The following CDAN1 variants were observed in gnomAD, a reference collection of about 807,000 sequenced individuals.
The protein encoded by CDAN1 is codanin-1.
A neutral mutation model predicts 139.8 loss-of-function variants in CDAN1; 107 were observed. The observed-to-expected ratio is 0.77, with a 90% CI of 0.65 to 0.90. The LOEUF (loss-of-function observed/expected upper bound fraction) is 0.90. CDAN1 is among the 40% of genes least tolerant of loss of function. The probability of loss-of-function intolerance (pLI) is 0.00; values close to 1 mark genes in which losing one functional copy is unlikely to be tolerated. For synonymous variants in CDAN1, 776 were observed against 660.6 expected (o/e 1.17, Z -2.68); for missense variants, 1,667 against 1,575.7 (o/e 1.06, Z -0.98).
chr15:42,732,754 C>T (rs912471567), intron 9 of CDAN1, among the ~76,000 whole-genome samples: 1 of 152,188 alleles, frequency 6.6e-6, no homozygotes, highest in African/African-American at 2.4e-5. Context: ...AGTGACCAGA[C>T]TTGCCCAAAT....
rs376378638 is a variant in CDAN1, at chr15:42,733,077, G to C, written c.1457+20C>G. 1.8e-5 allele frequency: 29 copies of C among 1,611,356 alleles called. No homozygotes were observed. Among genetic ancestry groups the C allele is most frequent in the Non-Finnish European group, 2.5e-5 (29 of 1,177,654 alleles). On this transcript the variant is annotated intron_variant, in intron 9 of 27. Transcript: ENST00000356231. ...GCTACTCATTGCCAGGAACAAGAAA[G>C]ACAAGGTCTGAGCACCCACCTGATT...
rs2061493420 is a variant in CDAN1, at chr15:42,724,206, CA to C, written c.*284del. On this transcript the variant is annotated 3_prime_UTR_variant, in exon 28 of 28. Coordinates refer to ENST00000356231, the MANE Select transcript of CDAN1 (RefSeq NM_138477.4). Reference sequence around the variant, plus strand: ...TGAATTCTGTGTTGACAAGCCCACACACCTCATTTCATTTAGTATCCAAGAG... The same window carrying C: ...TGAATTCTGTGTTGACAAGCCCACACCCTCATTTCATTTAGTATCCAAGAG... The C allele has an allele frequency of 2.3e-6, 1 of 435,378 alleles. No homozygotes were observed. Among genetic ancestry groups the C allele is most frequent in the Non-Finnish European group, 4.3e-6 (1 of 231,266 alleles). The allele number at this position is 435,378 out of a possible 1,614,324, so 27.0% of individuals were successfully genotyped here. A position where few individuals can be genotyped will look rare whatever the true frequency, so the allele number is the denominator to read the frequency against.
At chr15:42,729,178 G>T (rs371937160) in intron 18 of CDAN1, 51 bp downstream of exon 18, 1 of 1,027,952 alleles carries the variant, frequency 9.7e-7, no homozygotes, top group Non-Finnish European at 1.4e-6. Flanking sequence ...CCCTGTCCCC[G>T]CCCCCAACCC....
In CDAN1 at chr15:42,728,189, C is replaced by CT; in HGVS notation, c.2868+14dup. 2 of 1,613,192 alleles carry CT rather than the reference C, an allele frequency of 1.2e-6. No individual in the cohort carries two copies. The highest frequency in any genetic ancestry group is 1.7e-6 in the Non-Finnish European group (2 of 1,179,856). ...ACTGCCTGGCCTGCTAGCTGCAGGC[C>CT]TCCCTCACACGTACGGCTGCCGGGG... is the stretch of plus-strand genomic sequence containing the variant. On this transcript the variant is annotated intron_variant, in intron 21 of 27. Transcript: ENST00000356231.
intron 26 of CDAN1, 23 bp from the exon 27 acceptor site, chr15:42,725,274 G>C: frequency 1.2e-6 from 2 of 1,607,826 alleles, no homozygotes; most frequent in East Asian, 2.2e-5. Context: ...CCGAGGTCAG[G>C]GTTGCTAGGA....
rs1169696778 is a variant in CDAN1 at position 42,724,612 on chromosome 15, A to G, written c.3563T>C (p.Phe1188Ser). 1 of 1,552,248 alleles carries G rather than the reference A, an allele frequency of 6.4e-7. No individual in the cohort carries two copies. The highest frequency in any genetic ancestry group is 1.4e-5 in the African/African-American group (1 of 73,204). Residue 1188 changes from phenylalanine to serine, a missense_variant, in exon 28 of 28, where the codon TTT (phenylalanine) becomes TCT (serine). By Grantham distance (155) the Phe-to-Ser change is radical. Around this residue, in one of 3 missense-constraint regions of CDAN1, gnomAD observed 936 missense variants for 844.1 expected, o/e 1.11. Coordinates refer to ENST00000356231, the MANE Select transcript of CDAN1 (RefSeq NM_138477.4). ...SLHQAQWPGD[F>S]AEELATLSNL... Reference sequence around the variant, plus strand: ...AGACAGTGTTGCTAATTCTTCAGCAAAGTCCTGGAATACATAGAAAGATGA... The same window carrying G: ...AGACAGTGTTGCTAATTCTTCAGCAGAGTCCTGGAATACATAGAAAGATGA...
chr15:42,730,804 G>A (rs775693664), intron 13 of CDAN1, 40 bp from the exon 14 acceptor site: 6 of 1,612,648 alleles, frequency 3.7e-6, no homozygotes, highest in East Asian at 2.2e-5. Context: ...AGGTCCCTAG[G>A]AAGGGCTGGG....
chr15:42,736,274 C>A, intron 2 of CDAN1, 28 bp downstream of exon 2: 1 of 1,612,804 alleles, frequency 6.2e-7, no homozygotes, highest in South Asian at 1.1e-5. Context: ...TCGTGGTACC[C>A]ATCTCCTGCA....
At position 42,730,711 on chromosome 15, in the gene CDAN1, G is replaced by A. The variant is rs749011442; in HGVS notation, c.2061C>T (p.Arg687=). The change falls in exon 14 of 28, where the codon CGC becomes CGT. Residue 687 remains arginine (R), a synonymous_variant. Coordinates refer to ENST00000356231, the MANE Select transcript of CDAN1 (RefSeq NM_138477.4). ...GCCAGGGCACGGTGAGCACCGCCCG[G>A]CGGGCCTGCAGCCCTCGCTGCAGCA... ...RTLLQRGLQA[R]RAVLTVPWLV... is the part of the protein sequence containing the mutation. The A allele has an allele frequency of 1.2e-6, 2 of 1,613,482 alleles. No individual in the cohort carries two copies. The highest frequency in any genetic ancestry group is 1.1e-5 in the South Asian group (1 of 90,998).
intron 6 of CDAN1, 92 bp downstream of exon 6, chr15:42,735,008 C>A: frequency 1.2e-6 from 1 of 849,422 alleles, no homozygotes; most frequent in East Asian, 2.6e-5. Context: ...GACCACTGCC[C>A]CTGTGTTAAG....
chr15:42,728,639 C>T lies in CDAN1; in HGVS notation c.2804+13G>A, dbSNP rs921081061. The T allele has an allele frequency of 3.7e-6, 6 of 1,613,392 alleles. No homozygotes were observed. The African/African-American group carries it at 6.7e-5, about 18-fold the overall frequency. The stretch of plus-strand genomic sequence containing the variant: ...CAAGAGGAGAGTGGATCAAATGGAC[C>T]AGCGCTGCTTACTCCCGCCCCAGGG... On this transcript the variant is annotated intron_variant, in intron 20 of 27. Transcript: ENST00000356231.
intron 3 of CDAN1, 92 bp from the exon 4 acceptor site, chr15:42,735,771 G>C (rs2061679357): frequency 6.3e-7 from 1 of 1,586,206 alleles, no homozygotes; most frequent in African/African-American, 1.3e-5. Flanking sequence ...AACAGCCCAG[G>C]AGACAAACCC....
At chr15:42,732,528 C>T in intron 9 of CDAN1, 120 bp from the exon 10 acceptor site, 1 of 859,522 alleles carries the variant, frequency 1.2e-6, no homozygotes, top group Non-Finnish European at 1.9e-6. Context: ...CAGACCTCAG[C>T]CAGAGCCAGC....
Position 42,731,129 on chromosome 15 carries a change from G to C in CDAN1, c.1861-58C>G, listed in dbSNP as rs74858594. On this transcript the variant is annotated intron_variant, in intron 12 of 27. Coordinates refer to ENST00000356231, the MANE Select transcript of CDAN1 (RefSeq NM_138477.4). Reference sequence around the variant, plus strand: ...GCATGAGGCTTCCAGAACAATTCCCGATCTGTTATAAAGTTTTTCTTGAAC... The same window carrying C: ...GCATGAGGCTTCCAGAACAATTCCCCATCTGTTATAAAGTTTTTCTTGAAC... 5 of 1,613,938 alleles carry C rather than the reference G, an allele frequency of 3.1e-6. No homozygotes were observed. In the African/African-American group the frequency reaches 6.7e-5, roughly 22 times the overall value.
intron 13 of CDAN1, 36 bp downstream of exon 13, chr15:42,730,889 C>T: frequency 6.2e-7 from 1 of 1,614,100 alleles, no homozygotes; most frequent in Non-Finnish European, 8.5e-7. Flanking sequence ...CCGGTCCTCC[C>T]TGCTCCCTCC....
Position 42,724,566 on chromosome 15 carries a change from G to C in CDAN1, c.3609C>G (p.Pro1203=). 1 of 1,554,658 alleles carries C rather than the reference G, an allele frequency of 6.4e-7. No homozygotes were observed. The highest frequency in any genetic ancestry group is 8.7e-7 in the Non-Finnish European group (1 of 1,148,338). ...CTCTTAGCTGGGGTTCTGGCAGGTG[G>C]GGCTCGGCTAGAAACAGATTAGACA... is the stretch of plus-strand genomic sequence containing the variant. The part of the protein sequence containing the change: ...ATLSNLFLAE[P]HLPEPQLRAC... Residue 1203 remains proline (P), a synonymous_variant, in exon 28 of 28, where the codon CCC becomes CCG. Transcript: ENST00000356231.
At position 42,728,242 on chromosome 15, in the gene CDAN1, C is replaced by G; in HGVS notation, c.2830G>C (p.Ala944Pro). The change falls in exon 21 of 28, where the codon GCT (alanine) becomes CCT (proline). Residue 944 changes from alanine (A) to proline (P), a missense_variant. By Grantham distance (27) the Ala-to-Pro change is conservative. Around this residue, in one of 3 missense-constraint regions of CDAN1, gnomAD observed 936 missense variants for 844.1 expected, o/e 1.11. Coordinates refer to ENST00000356231, the MANE Select transcript of CDAN1 (RefSeq NM_138477.4). ...REFCQRKSPGAVRALLPEETP... is the reference protein window; with the variant it reads ...REFCQRKSPGPVRALLPEETP... The stretch of plus-strand genomic sequence containing the variant: ...TCCTCTGGAAGCAGCGCCCGCACAG[C>G]CCCAGGGCTCTTCCTTTGACAGAAC... The G allele has an allele frequency of 4.3e-6, 7 of 1,613,956 alleles. No homozygotes were observed. The highest frequency in any genetic ancestry group is 5.9e-6 in the Non-Finnish European group (7 of 1,179,974).
chr15:42,728,346 G>A (rs943973835), intron 20 of CDAN1, 79 bp from the exon 21 acceptor site: 1 of 1,474,164 alleles, frequency 6.8e-7, no homozygotes, highest in Non-Finnish European at 9.5e-7. Context: ...AGTGCACCAA[G>A]CCCCTGACCT....
chr15:42,732,348 T>C lies in CDAN1; in HGVS notation c.1518A>G (p.Gln506=). The C allele has an allele frequency of 6.2e-7, 1 of 1,614,092 alleles. No homozygotes were observed. Among genetic ancestry groups the C allele is most frequent in the Middle Eastern group, 1.6e-4 (1 of 6,062 alleles). Residue 506 remains glutamine (Q), a synonymous_variant, in exon 10 of 28, where the codon CAA becomes CAG. Coordinates refer to ENST00000356231, the MANE Select transcript of CDAN1 (RefSeq NM_138477.4). ...GGGCTGTTACCTGGAGTAGTTGTTT[T>C]TGGAAAAGCCGAACAAAGTGGCTGT... ...CSHSHFVRLF[Q]KQLLQMCQSP...
Sources: gnomAD v4.1 joint callset for allele counts (sites outside exome capture counted in the v4.1 genomes callset) on GRCh38, gnomAD v4.1.1 for gene constraint, gnomAD v4.1.1 regional missense constraint, MANE v1.5 for transcripts, NCBI Gene and HGNC (gene_info 2026-07-23, HGNC 2026-07-21) for gene names.